The following THSD7A variants were observed in gnomAD, a reference collection of about 807,000 sequenced individuals.
The protein encoded by THSD7A is thrombospondin type-1 domain-containing protein 7A.
THSD7A carries 96 observed loss-of-function variants against 231.3 expected under a neutral mutation model. The observed-to-expected ratio is 0.41, with a 90% CI of 0.35 to 0.49. The LOEUF (loss-of-function observed/expected upper bound fraction) is 0.49, where lower values mean the gene tolerates loss of function less well. Ranked by LOEUF, THSD7A falls within the 20% of genes least tolerant of loss-of-function variation. THSD7A has a pLI of 0.05. For synonymous variants in THSD7A, 940 were observed against 743.3 expected, an observed-to-expected ratio of 1.26 and a Z score of -4.30; for missense variants, 2,290 against 2,070.2, an observed-to-expected ratio of 1.11 and a Z score of -2.06.
In THSD7A at chr7:11,462,028, T is replaced by G; in HGVS notation, c.2484A>C (p.Gln828His). 1 of 1,613,674 alleles carries G rather than the reference T, an allele frequency of 6.2e-7. No individual in the cohort carries two copies. The highest frequency in any genetic ancestry group is 8.5e-7 in the Non-Finnish European group (1 of 1,179,652). ...AACCCTACCTGTAGCTTTGGCACGCTTGAGGTGCCTCACAGGCCTTCTCTT... is the reference window on the plus strand; with the variant it reads ...AACCCTACCTGTAGCTTTGGCACGCGTGAGGTGCCTCACAGGCCTTCTCTT... Reference protein sequence around the residue: ...LYEEKACEAPQACQSYRWKTH... With the variant: ...LYEEKACEAPHACQSYRWKTH... The change falls in exon 10 of 28, where the codon CAA becomes CAC. Residue 828 changes from glutamine to histidine, a missense_variant. Physicochemically the swap from Gln to His is conservative, Grantham distance 24. Transcript: ENST00000423059.
intron 9 of THSD7A, among the ~76,000 whole-genome samples, chr7:11,465,134 G>T (rs534183577): frequency 6.6e-6 from 1 of 152,210 alleles, no homozygotes; most frequent in East Asian, 1.9e-4. Flanking sequence ...TAAGACAAGA[G>T]TCACATATAG....
chr7:11,458,562 T>C (rs900569872), intron 11 of THSD7A, among the ~76,000 whole-genome samples: 6 of 152,150 alleles, frequency 3.9e-5, no homozygotes, highest in Non-Finnish European at 4.4e-5. Flanking sequence ...AGCAAGTTGT[T>C]TGACAAATAT....
intron 6 of THSD7A, among the ~76,000 whole-genome samples, chr7:11,540,975 A>G (rs1012994874): frequency 4.6e-5 from 7 of 152,240 alleles, no homozygotes; most frequent in African/African-American, 1.4e-4. Flanking sequence ...CTAAGACACG[A>G]TATCAGGGAG....
chr7:11,517,336 C>G (rs1788072976), intron 6 of THSD7A, among the ~76,000 whole-genome samples: 1 of 152,110 alleles, frequency 6.6e-6, no homozygotes, highest in South Asian at 2.1e-4. Flanking sequence ...CCTCGGCCTC[C>G]CAAAGTGCTG....
At position 11,426,573 on chromosome 7, in the gene THSD7A, A is replaced by C. The variant is rs186702916; in HGVS notation, c.3249+93T>G. 7.4e-4 allele frequency: 989 copies of C among 1,339,442 alleles called. 8 individuals are homozygous for C. The Admixed American group carries it at 0.023, about 31-fold the overall frequency. 83.0% of individuals were successfully genotyped at this position (1,339,442 alleles called of 1,614,324 possible). A position where few individuals can be genotyped will look rare whatever the true frequency, so the allele number is the denominator to read the frequency against. On this transcript the variant is annotated intron_variant, in intron 15 of 27. Coordinates refer to ENST00000423059, the MANE Select transcript of THSD7A (RefSeq NM_015204.3). ...ACATTTTCTCCCTGTAAAACATAAA[A>C]GACAAAGCAAGAAGAGAAATGTATT...
chr7:11,606,223 T>C (rs1780727766), intron 2 of THSD7A, among the ~76,000 whole-genome samples: 2 of 152,182 alleles, frequency 1.3e-5, no homozygotes, highest in Non-Finnish European at 2.9e-5. Context: ...AGGCCAGTTT[T>C]GTTACTGTTG....
At position 11,529,095 on chromosome 7, in the gene THSD7A, C is replaced by T. The variant is rs566760916; in HGVS notation, c.1822+12324G>A. ...GTTCTTATGTTATACAAATAAAAAA[C>T]GTGCATTTCTAATCTACTCTAAAAT... is the stretch of plus-strand genomic sequence containing the variant. On this transcript the variant is annotated intron_variant, in intron 6 of 27. Coordinates refer to ENST00000423059, the MANE Select transcript of THSD7A (RefSeq NM_015204.3). Among the ~76,000 whole-genome samples the T allele has an allele frequency of 1.4e-4, 21 of 152,154 alleles. No individual in the cohort carries two copies. The South Asian group carries it at 2.5e-3, about 18-fold the overall frequency.
intron 13 of THSD7A, among the ~76,000 whole-genome samples, chr7:11,436,335 C>T (rs749361628): frequency 1.1e-4 from 16 of 151,950 alleles, no homozygotes; most frequent in South Asian, 2.1e-4. Flanking sequence ...TCTAATATTG[C>T]CATGAAAGTA....
At chr7:11,648,148 T>C (rs1782353855) in intron 1 of THSD7A, among the ~76,000 whole-genome samples, 1 of 152,090 alleles carries the variant, frequency 6.6e-6, no homozygotes, top group Non-Finnish European at 1.5e-5. Context: ...TTAGGCTACT[T>C]GTCCCTTGGT....
chr7:11,647,034 G>T lies in THSD7A; in HGVS notation c.191-10073C>A, dbSNP rs149219720. 5.9e-3 allele frequency among the ~76,000 whole-genome samples: 894 copies of T among 152,158 alleles called. 6 individuals carry two copies. The highest frequency in any genetic ancestry group is 0.02 in the African/African-American group (842 of 41,552). ...TGCGTCTCAGAAATGTCAGTCCAGA[G>T]AATAGAATGATTAAACATTTCTTCT... On this transcript the variant is annotated intron_variant, in intron 1 of 27. Transcript: ENST00000423059.
In THSD7A at chr7:11,424,683, G is replaced by C. The variant is rs1180984906; in HGVS notation, c.3383+13C>G. The C allele has an allele frequency of 1.2e-6, 2 of 1,613,816 alleles. No homozygotes were observed. The highest frequency in any genetic ancestry group is 2.2e-5 in the South Asian group (2 of 91,072). ...TGTGTCTTGCTTTTCTGTATAATTA[G>C]GCTTTGTCTTACCTCACTTTTCGGG... On this transcript the variant is annotated intron_variant, in intron 16 of 27. Coordinates refer to ENST00000423059, the MANE Select transcript of THSD7A (RefSeq NM_015204.3).
chr7:11,500,722 G>A (rs985555437), intron 6 of THSD7A, among the ~76,000 whole-genome samples: 3 of 152,032 alleles, frequency 2.0e-5, no homozygotes, highest in African/African-American at 2.4e-5. Flanking sequence ...GGTGGATCAC[G>A]AGGTAGGTTC....
rs556777726 is a variant in THSD7A, at chr7:11,651,770, AG to A, written c.191-14810del. ...CTTTGTTTTATTAAACACTGAAAAA[AG>A]GAAATAATAGCTCAGAAATGCCCAT... On this transcript the variant is annotated intron_variant, in intron 1 of 27. Coordinates refer to ENST00000423059, the MANE Select transcript of THSD7A (RefSeq NM_015204.3). Among the ~76,000 whole-genome samples the A allele has an allele frequency of 4.7e-4, 72 of 152,092 alleles. 1 individual carries two copies. In the East Asian group the frequency reaches 0.011, roughly 24 times the overall value.
chr7:11,508,057 G>A (rs1787630784), intron 6 of THSD7A, among the ~76,000 whole-genome samples: 1 of 152,118 alleles, frequency 6.6e-6, no homozygotes, highest in Admixed American at 6.5e-5. Flanking sequence ...AGGAAAAACT[G>A]CCATTTATAA....
chr7:11,688,608 C>A (rs1291401106), intron 1 of THSD7A, among the ~76,000 whole-genome samples: 2 of 151,746 alleles, frequency 1.3e-5, no homozygotes, highest in Non-Finnish European at 2.9e-5. Context: ...GAACAGCCAG[C>A]AGCTTTGTAG....
intron 1 of THSD7A, among the ~76,000 whole-genome samples, chr7:11,749,322 A>C (rs997263617): frequency 6.6e-6 from 1 of 151,932 alleles, no homozygotes; most frequent in Non-Finnish European, 1.5e-5. Context: ...ATAAGCTTGA[A>C]TATATTGCTG....
At chr7:11,418,823 A>AT (rs879259927) in intron 16 of THSD7A, among the ~76,000 whole-genome samples, 104 of 149,056 alleles carry the variant, frequency 7.0e-4, no homozygotes, top group South Asian at 1.7e-3. Flanking sequence ...CTACCTGTGC[A>AT]TTTTTTTTTT....
In THSD7A at chr7:11,814,036, G is replaced by T. The variant is rs1784608764; in HGVS notation, c.190+17721C>A. Among the ~76,000 whole-genome samples, 1 of 152,144 alleles carries T rather than the reference G, an allele frequency of 6.6e-6. No homozygotes were observed. The highest frequency in any genetic ancestry group is 1.5e-5 in the Non-Finnish European group (1 of 68,040). On this transcript the variant is annotated intron_variant, in intron 1 of 27. Coordinates refer to ENST00000423059, the MANE Select transcript of THSD7A (RefSeq NM_015204.3). The surrounding 1 kb of genome is among the most constrained non-coding windows in gnomAD (Gnocchi z 5.1). ...GAAAACATGATGCGAAATAAAAGGTGCTAGTCACAAAAGATCACGCAAGTT... is the reference window on the plus strand; with the variant it reads ...GAAAACATGATGCGAAATAAAAGGTTCTAGTCACAAAAGATCACGCAAGTT...
chr7:11,492,039 C>G (rs1042181556), intron 6 of THSD7A, among the ~76,000 whole-genome samples: 65 of 152,106 alleles, frequency 4.3e-4, no homozygotes, highest in Admixed American at 2.2e-3. Context: ...TACATTACAC[C>G]CTCTAATGAT....
Sources: gnomAD v4.1 joint callset for allele counts (sites outside exome capture counted in the v4.1 genomes callset) on GRCh38, gnomAD v4.1.1 for gene constraint, Gnocchi (gnomAD v3.1) non-coding constraint, MANE v1.5 for transcripts, NCBI Gene and HGNC (gene_info 2026-07-23, HGNC 2026-07-21) for gene names.